ADCY5: variants seen among roughly 807,000 people sequenced by gnomAD.
ADCY5 encodes adenylate cyclase 5.
In ADCY5, 30 loss-of-function variants were observed where a neutral mutation model predicts 119.7. The ratio of observed to expected loss-of-function variants is 0.25; its 90% CI spans 0.19 to 0.34. The LOEUF (loss-of-function observed/expected upper bound fraction) is 0.34. ADCY5 is among the 10% of genes least tolerant of loss of function. The pLI, the probability that ADCY5 is intolerant of heterozygous loss-of-function variation, is 1.00. For synonymous variants in ADCY5, 753 were observed against 762.2 expected (o/e 0.99, Z 0.20); for missense variants, 1,324 against 1,775.2 (o/e 0.75, Z 4.57).
chr3:123,347,921 T>C lies in ADCY5; in HGVS notation c.1285-18A>G, dbSNP rs769854516. 7 of 1,613,960 alleles carry C rather than the reference T, an allele frequency of 4.3e-6. No homozygotes were observed. Among genetic ancestry groups the C allele is most frequent in the South Asian group, 1.1e-5 (1 of 91,080 alleles). On this transcript the variant is annotated intron_variant, in intron 2 of 20. Coordinates refer to ENST00000462833, the MANE Select transcript of ADCY5 (RefSeq NM_183357.3). ...AGCCGTTCCTGCAGAGGGAAGCACA[T>C]GCTTTCATCACCACGCCTTCTACCT...
chr3:123,370,503 T>C (rs1559843184), intron 1 of ADCY5, among the ~76,000 whole-genome samples: 1 of 152,166 alleles, frequency 6.6e-6, no homozygotes, highest in Non-Finnish European at 1.5e-5. Flanking sequence ...TCCCATCCCA[T>C]TATCAAACAC....
At chr3:123,404,192 A>G (rs1944843193) in intron 1 of ADCY5, 1 of 152,240 alleles carries the variant, frequency 6.6e-6, no homozygotes, top group African/African-American at 2.4e-5. Flanking sequence ...CTGAGTTACA[A>G]TGTCACATTA....
intron 1 of ADCY5, among the ~76,000 whole-genome samples, chr3:123,383,992 C>A (rs1015348623): frequency 5.9e-5 from 9 of 151,690 alleles, no homozygotes; most frequent in African/African-American, 1.2e-4. Context: ...AAACACACAC[C>A]CACCCTTCCT....
At chr3:123,402,704 T>A (rs1306301036) in intron 1 of ADCY5, among the ~76,000 whole-genome samples, 1 of 151,528 alleles carries the variant, frequency 6.6e-6, no homozygotes, top group Non-Finnish European at 1.5e-5. Flanking sequence ...CAAAAAAAAA[T>A]TAGTCAGGCG....
At chr3:123,355,816 C>G (rs1943019336) in intron 1 of ADCY5, among the ~76,000 whole-genome samples, 1 of 152,050 alleles carries the variant, frequency 6.6e-6, no homozygotes, top group South Asian at 2.1e-4. Context: ...TACACAGATG[C>G]AACACAATCA....
intron 1 of ADCY5, among the ~76,000 whole-genome samples, chr3:123,414,027 G>A (rs904474062): frequency 1.3e-5 from 2 of 152,226 alleles, no homozygotes; most frequent in Non-Finnish European, 2.9e-5. Context: ...CAGATAAAAC[G>A]CAGAAGGGAG....
rs375705828 is a variant in ADCY5 at position 123,331,040 on chromosome 3, A to G, written c.1519-24T>C. 381 of 1,597,334 alleles carry G rather than the reference A, an allele frequency of 2.4e-4. 2 individuals are homozygous for G. The East Asian group carries it at 8.1e-3, about 34-fold the overall frequency. The stretch of plus-strand genomic sequence containing the variant: ...TCCTGGAAAGCAAATTAATTTTACA[A>G]ATTAAAAATAGTAGGAAAGAGAAGT... On this transcript the variant is annotated intron_variant, in intron 4 of 20. Transcript: ENST00000462833.
chr3:123,309,807 A>T (rs1021671428), intron 12 of ADCY5, among the ~76,000 whole-genome samples: 1 of 152,156 alleles, frequency 6.6e-6, no homozygotes, highest in Non-Finnish European at 1.5e-5. Context: ...TCTTCACAGG[A>T]TGGAAGACAC....
intron 1 of ADCY5, among the ~76,000 whole-genome samples, chr3:123,384,808 C>T (rs1944163796): frequency 6.6e-6 from 1 of 152,162 alleles, no homozygotes; most frequent in South Asian, 2.1e-4. Flanking sequence ...GCCACTAGTA[C>T]CACTCTGATT....
chr3:123,440,492 T>A (rs1479153180), intron 1 of ADCY5, among the ~76,000 whole-genome samples: 1 of 151,806 alleles, frequency 6.6e-6, no homozygotes, highest in Non-Finnish European at 1.5e-5. Flanking sequence ...CATATCTCAT[T>A]GTTCCCAGAG....
At chr3:123,413,458 A>G (rs116173374) in intron 1 of ADCY5, among the ~76,000 whole-genome samples, 2,886 of 152,278 alleles carry the variant, frequency 0.019, 84 homozygotes, top group African/African-American at 0.065. Context: ...CCACAGTAGA[A>G]TCACAGAAAA....
intron 3 of ADCY5, among the ~76,000 whole-genome samples, chr3:123,338,054 C>A (rs1942100642): frequency 6.6e-6 from 1 of 152,202 alleles, no homozygotes; most frequent in Non-Finnish European, 1.5e-5. Flanking sequence ...GACATGGGGA[C>A]ATGAGTGGCC....
chr3:123,296,956 T>A, intron 16 of ADCY5: 1 of 1,531,278 alleles, frequency 6.5e-7, no homozygotes, highest in Non-Finnish European at 8.7e-7. Context: ...CAGGGACGGG[T>A]CCCACAAGCA....
chr3:123,315,602 G>C (rs1429996769), intron 11 of ADCY5, among the ~76,000 whole-genome samples: 1 of 152,090 alleles, frequency 6.6e-6, no homozygotes, highest in Non-Finnish European at 1.5e-5. Flanking sequence ...TTGAGACAGA[G>C]TCTCGCTTTG....
At position 123,314,300 on chromosome 3, in the gene ADCY5, A is replaced by G. The variant is rs148493988; in HGVS notation, c.2377T>C (p.Tyr793His). 43 of 1,613,502 alleles carry G rather than the reference A, an allele frequency of 2.7e-5. No individual in the cohort carries two copies. In the African/African-American group the frequency reaches 3.9e-4, roughly 15 times the overall value. ...GTCAGCAGCAGGGAACAGGTCAGGT[A>G]GAAGCTGAGCATGAATATGGAGCTG... Reference protein sequence around the residue: ...VPHSIFMLSFYLTCSLLLTLV... With the variant: ...VPHSIFMLSFHLTCSLLLTLV... Residue 793 changes from tyrosine (Y) to histidine (H), a missense_variant, in exon 12 of 21, where the codon TAC (tyrosine) becomes CAC (histidine). This residue lies in a region of ADCY5 where 424 missense variants were observed against 546.8 expected (regional missense o/e 0.78). Transcript: ENST00000462833.
At chr3:123,341,402 C>T (rs1942272502) in intron 3 of ADCY5, among the ~76,000 whole-genome samples, 1 of 152,030 alleles carries the variant, frequency 6.6e-6, no homozygotes, top group Non-Finnish European at 1.5e-5. Flanking sequence ...TATATGTTTC[C>T]ACATACATGA....
At chr3:123,389,307 A>C (rs1944331554) in intron 1 of ADCY5, among the ~76,000 whole-genome samples, 1 of 152,052 alleles carries the variant, frequency 6.6e-6, no homozygotes. Context: ...AAAACAGCAA[A>C]TCTCCTCAGA....
chr3:123,300,666 A>G (rs1480757664), intron 14 of ADCY5, among the ~76,000 whole-genome samples: 1 of 152,130 alleles, frequency 6.6e-6, no homozygotes. Context: ...GCTGTGATGA[A>G]CACACGGAAG....
chr3:123,300,106 G>C lies in ADCY5; in HGVS notation c.2900+14C>G, dbSNP rs1416813243. ...CTCATGCCCAGTGGGGAGCGTGAGG[G>C]AGGTGCCCCATACATGGCGTTGGCG... On this transcript the variant is annotated intron_variant, in intron 15 of 20. Transcript: ENST00000462833. 1 of 1,612,972 alleles carries C rather than the reference G, an allele frequency of 6.2e-7. No individual in the cohort carries two copies. Among genetic ancestry groups the C allele is most frequent in the African/African-American group, 1.3e-5 (1 of 74,936 alleles).
Sources: allele counts gnomAD v4.1 joint callset (sites outside exome capture counted in the v4.1 genomes callset), GRCh38; gene constraint gnomAD v4.1.1; regional missense constraint gnomAD v4.1.1; transcripts MANE v1.5; gene names NCBI Gene and HGNC (gene_info 2026-07-23, HGNC 2026-07-21).